The following ZNF180 variants were observed in gnomAD, a reference collection of about 807,000 sequenced individuals.
ZNF180 encodes zinc finger protein 180 (HHZ168).
Under a neutral mutation model 11.8 loss-of-function variants are expected in ZNF180, and 11 were observed. That is an observed-to-expected ratio of 0.93 (90% CI 0.59 to 1.55). The LOEUF (loss-of-function observed/expected upper bound fraction) is 1.55, where lower values mean the gene tolerates loss of function less well. Ranked by LOEUF, ZNF180 falls within the 40% of genes most tolerant of loss-of-function variation. The pLI is 0.00. For missense variants in ZNF180, 773 were observed against 781.7 expected (o/e 0.99, Z 0.13); for synonymous variants, 287 against 257.7 (o/e 1.11, Z -1.09).
chr19:44,499,585 C>A (rs1191978882), intron 1 of ZNF180, among the ~76,000 whole-genome samples: 2 of 152,156 alleles, frequency 1.3e-5, no homozygotes, highest in East Asian at 3.9e-4. Context: ...TCAGACACCC[C>A]CAGGACGTGC....
Position 44,477,856 on chromosome 19 carries a change from G to C in ZNF180, c.544C>G (p.Pro182Ala). The C allele has an allele frequency of 6.2e-7, 1 of 1,613,770 alleles. No homozygotes were observed. Among genetic ancestry groups the C allele is most frequent in the Non-Finnish European group, 8.5e-7 (1 of 1,179,992 alleles). Residue 182 changes from proline (P) to alanine (A), a missense_variant, in exon 5 of 5, where the codon CCA (proline) becomes GCA (alanine). Physicochemically the swap from Pro to Ala is conservative, Grantham distance 27 (BLOSUM62 -1). Coordinates refer to ENST00000592529, the MANE Select transcript of ZNF180 (RefSeq NM_001278509.3). Reference protein sequence around the residue: ...SGLNSSLFSSPVIPIRNHFHK... With the variant: ...SGLNSSLFSSAVIPIRNHFHK... The stretch of plus-strand genomic sequence containing the variant: ...AAATGGTTTCTTATGGGTATAACTG[G>C]GGATGAAAATAGACTGGAATTCAGA...
chr19:44,484,346 C>T lies in ZNF180; in HGVS notation c.126+15G>A. 3 of 1,600,260 alleles carry T rather than the reference C, an allele frequency of 1.9e-6. No individual in the cohort carries two copies. The highest frequency in any genetic ancestry group is 2.6e-6 in the Non-Finnish European group (3 of 1,167,370). On this transcript the variant is annotated intron_variant, in intron 3 of 4. Coordinates refer to ENST00000592529, the MANE Select transcript of ZNF180 (RefSeq NM_001278509.3). ...ACATTTCTCAGTGTAAAGACAGAGG[C>T]CTTGCCCAACCTACCTGAGATGGGA... is the stretch of plus-strand genomic sequence containing the variant.
At position 44,477,734 on chromosome 19, in the gene ZNF180, A is replaced by G; in HGVS notation, c.666T>C (p.Asn222=). 6.2e-7 allele frequency: 1 copy of G among 1,614,066 alleles called. No homozygotes were observed. Among genetic ancestry groups the G allele is most frequent in the Non-Finnish European group, 8.5e-7 (1 of 1,179,974 alleles). The stretch of plus-strand genomic sequence containing the variant: ...TGCTCTGAGGGGGTTTTCCACATTC[A>G]TTATTTTCATATAGTGTCTCATTCT... ...INENETLYEN[N]ECGKPPQSIH... Residue 222 remains asparagine (N), a synonymous_variant, in exon 5 of 5, where the codon AAT becomes AAC. Coordinates refer to ENST00000592529, the MANE Select transcript of ZNF180 (RefSeq NM_001278509.3).
rs1311533624 is a variant in ZNF180, at chr19:44,477,487, T to C, written c.913A>G (p.Ser305Gly). The change falls in exon 5 of 5, where the codon AGT becomes GGT. Residue 305 changes from serine (S) to glycine (G), a missense_variant. Ser to Gly is a moderately conservative substitution (Grantham distance 56). Transcript: ENST00000592529. ...AGGGAGGAACTATGAGAGGTTTCAC[T>C]ACATTTATATTGACTCTCTTCAAAA... is the stretch of plus-strand genomic sequence containing the variant. ...IPFEESQYKCSETSHSSSLTQ... is the reference protein window; with the variant it reads ...IPFEESQYKCGETSHSSSLTQ... 2 of 1,614,120 alleles carry C rather than the reference T, an allele frequency of 1.2e-6. No homozygotes were observed. Among genetic ancestry groups the C allele is most frequent in the South Asian group, 1.1e-5 (1 of 91,074 alleles).
At chr19:44,478,761 CA>C (rs985648090) in intron 4 of ZNF180, among the ~76,000 whole-genome samples, 4 of 151,996 alleles carry the variant, frequency 2.6e-5, no homozygotes, top group African/African-American at 9.7e-5. Context: ...CTAGGTCAAG[CA>C]ATAGAGAGTA....
At chr19:44,483,160 C>T (rs1011542531) in intron 3 of ZNF180, among the ~76,000 whole-genome samples, 7 of 152,192 alleles carry the variant, frequency 4.6e-5, no homozygotes, top group South Asian at 2.1e-4. Context: ...ATTATGCTAC[C>T]GAAATGTCTA....
chr19:44,484,487 G>A (rs1970171675), intron 2 of ZNF180, 52 bp from the exon 3 acceptor site: 1 of 1,364,288 alleles, frequency 7.3e-7, no homozygotes, highest in Non-Finnish European at 1.0e-6. Context: ...GAGCTAAGTG[G>A]CAGCTCAAAT....
At chr19:44,485,840 T>C (rs1970214991) in intron 2 of ZNF180, among the ~76,000 whole-genome samples, 1 of 152,254 alleles carries the variant, frequency 6.6e-6, no homozygotes, top group African/African-American at 2.4e-5. Flanking sequence ...TATTATTAAT[T>C]CATGTACAGA....
Position 44,484,455 on chromosome 19 carries a change from G to A in ZNF180, c.52-20C>T. 6.3e-7 allele frequency: 1 copy of A among 1,588,192 alleles called. No homozygotes were observed. The highest frequency in any genetic ancestry group is 8.6e-7 in the Non-Finnish European group (1 of 1,156,446). On this transcript the variant is annotated intron_variant, in intron 2 of 4. Coordinates refer to ENST00000592529, the MANE Select transcript of ZNF180 (RefSeq NM_001278509.3). ...AGAATCCTGAAAAGGCAAAACAGAT[G>A]AGAAAAAGGAAAATAATCAGGGAGC...
chr19:44,489,952 GGAAAAGAAAGAAA>G (rs1169376632), intron 2 of ZNF180, among the ~76,000 whole-genome samples: 50 of 120,282 alleles, frequency 4.2e-4, no homozygotes, highest in African/African-American at 1.4e-3. Flanking sequence ...AAAGAAAGAG[GGAAAAGAAAGAAA>G]GAAAAGAAAG....
rs757930483 is a variant in ZNF180 at position 44,476,803 on chromosome 19, G to A, written c.1597C>T (p.Arg533Cys). ...TGATGCATAACAAGGTGAGAACTGC[G>A]GTTAAAAGATTTTCCACATTCACTA... ...ECSECGKSFN[R>C]SSHLVMHQRI... The change falls in exon 5 of 5, where the codon CGC (arginine) becomes TGC (cysteine). Residue 533 changes from arginine to cysteine, a missense_variant. Transcript: ENST00000592529. The A allele has an allele frequency of 4.7e-5, 76 of 1,613,948 alleles. No individual in the cohort carries two copies. Among genetic ancestry groups the A allele is most frequent in the Middle Eastern group, 1.6e-4 (1 of 6,062 alleles).
rs2123437726 is a variant in ZNF180 at position 44,477,958 on chromosome 19, C to T, written c.442G>A (p.Glu148Lys). ...GCTTTCCTTTGAGTGAATGCCACTTCCTGCAAAAGTATCTCTTGTTTTTCC... is the reference window on the plus strand; with the variant it reads ...GCTTTCCTTTGAGTGAATGCCACTTTCTGCAAAAGTATCTCTTGTTTTTCC... The part of the protein sequence containing the change: ...QQEKQEILLQ[E>K]VAFTQRKAVI... The change falls in exon 5 of 5, where the codon GAA (glutamate) becomes AAA (lysine). Residue 148 changes from glutamate to lysine, a missense_variant. Coordinates refer to ENST00000592529, the MANE Select transcript of ZNF180 (RefSeq NM_001278509.3). 1 of 1,614,034 alleles carries T rather than the reference C, an allele frequency of 6.2e-7. No individual in the cohort carries two copies. Among genetic ancestry groups the T allele is most frequent in the African/African-American group, 1.3e-5 (1 of 75,068 alleles).
intron 2 of ZNF180, among the ~76,000 whole-genome samples, chr19:44,491,070 CATGCTT>C (rs1255819740): frequency 6.6e-6 from 1 of 152,156 alleles, no homozygotes; most frequent in Non-Finnish European, 1.5e-5. Flanking sequence ...GTGACTCCAC[CATGCTT>C]AGATCACTAC....
chr19:44,477,689 T>C lies in ZNF180; in HGVS notation c.711A>G (p.Thr237=). The part of the protein sequence containing the change: ...PPQSIHLIQF[T]RTQTKDKSYG... ...AGGATTTATCTTTTGTTTGAGTTCT[T>C]GTAAACTGAATAAGGTGAATGCTCT... Residue 237 remains threonine, a synonymous_variant, in exon 5 of 5, where the codon ACA becomes ACG. Transcript: ENST00000592529. The C allele has an allele frequency of 6.2e-7, 1 of 1,614,024 alleles. No homozygotes were observed. The highest frequency in any genetic ancestry group is 1.3e-5 in the African/African-American group (1 of 75,050).
Position 44,495,948 on chromosome 19 carries a change from G to A in ZNF180, c.51+1336C>T, listed in dbSNP as rs1970567553. On this transcript the variant is annotated intron_variant, in intron 2 of 4. Transcript: ENST00000592529. This position sits in a 1 kb window ranked among gnomAD's most constrained non-coding sequence, Gnocchi z 4.5. ...CTGACTTGTTCAGGAAGAGAAAGGAGAAGCTCTAATTTAACAGTTTTAAGA... is the reference window on the plus strand; with the variant it reads ...CTGACTTGTTCAGGAAGAGAAAGGAAAAGCTCTAATTTAACAGTTTTAAGA... Among the ~76,000 whole-genome samples, 1 of 152,216 alleles carries A rather than the reference G, an allele frequency of 6.6e-6. No individual in the cohort carries two copies. The highest frequency in any genetic ancestry group is 2.1e-4 in the South Asian group (1 of 4,834).
chr19:44,484,317 A>G, intron 3 of ZNF180, 44 bp downstream of exon 3: 3 of 1,487,874 alleles, frequency 2.0e-6, no homozygotes, highest in Non-Finnish European at 2.8e-6. Flanking sequence ...CTTCCCAGCC[A>G]TGCACATTTC....
rs1268277161 is a variant in ZNF180, at chr19:44,477,663, T to C, written c.737A>G (p.Tyr246Cys). 5.0e-6 allele frequency: 8 copies of C among 1,613,836 alleles called. No homozygotes were observed. The highest frequency in any genetic ancestry group is 2.7e-5 in the African/African-American group (2 of 74,910). ...FTRTQTKDKS[Y>C]GFSDRIQSFC... The stretch of plus-strand genomic sequence containing the variant: ...AGATTGAATACGGTCACTAAATCCA[T>C]AGGATTTATCTTTTGTTTGAGTTCT... Residue 246 changes from tyrosine (Y) to cysteine (C), a missense_variant, in exon 5 of 5, where the codon TAT becomes TGT. Coordinates refer to ENST00000592529, the MANE Select transcript of ZNF180 (RefSeq NM_001278509.3).
chr19:44,484,310 C>A (rs770783115), intron 3 of ZNF180, 51 bp downstream of exon 3: 3 of 1,467,694 alleles, frequency 2.0e-6, no homozygotes, highest in Non-Finnish European at 1.9e-6. Flanking sequence ...CTACTCACTT[C>A]CCAGCCATGC....
rs1969903147 is a variant in ZNF180, at chr19:44,476,854, G to A, written c.1546C>T (p.His516Tyr). Residue 516 changes from histidine (H) to tyrosine (Y), a missense_variant, in exon 5 of 5, where the codon CAC (histidine) becomes TAC (tyrosine). By Grantham distance (83) the His-to-Tyr change is moderately conservative (BLOSUM62 2). Coordinates refer to ENST00000592529, the MANE Select transcript of ZNF180 (RefSeq NM_001278509.3). ...CATTCATACGGTTTCTCTCCAGTGT[G>A]AGTTCTTTGATGTGCAACAAGCTGA... is the stretch of plus-strand genomic sequence containing the variant. ...SSQLVAHQRT[H>Y]TGEKPYECSE... 6.2e-7 allele frequency: 1 copy of A among 1,614,182 alleles called. No homozygotes were observed. Among genetic ancestry groups the A allele is most frequent in the Non-Finnish European group, 8.5e-7 (1 of 1,180,020 alleles).
Sources: allele counts gnomAD v4.1 joint callset (sites outside exome capture counted in the v4.1 genomes callset), GRCh38; gene constraint gnomAD v4.1.1; non-coding constraint Gnocchi (gnomAD v3.1); transcripts MANE v1.5; gene names NCBI Gene and HGNC (gene_info 2026-07-23, HGNC 2026-07-21).